CFAP54: variants seen among roughly 807,000 people sequenced by gnomAD.
CFAP54 encodes cilia and flagella associated protein 54, also known as cilia- and flagella-associated protein 54.
In CFAP54, 290 loss-of-function variants were observed where a neutral mutation model predicts 370.4. The ratio of observed to expected loss-of-function variants is 0.78; its 90% CI spans 0.71 to 0.86. The LOEUF (loss-of-function observed/expected upper bound fraction) is 0.86, where lower values mean the gene tolerates loss of function less well. CFAP54 is among the 40% of genes least tolerant of loss of function. CFAP54 has a pLI of 0.00. For synonymous variants in CFAP54, 1,206 were observed against 1,236.5 expected, an observed-to-expected ratio of 0.98 and a Z score of 0.52; for missense variants, 3,399 against 3,528.7, an observed-to-expected ratio of 0.96 and a Z score of 0.93.
At chr12:96,705,378 A>G (rs911400541) in intron 47 of CFAP54, among the ~76,000 whole-genome samples, 2 of 151,648 alleles carry the variant, frequency 1.3e-5, no homozygotes, top group African/African-American at 2.4e-5. Flanking sequence ...TGTGCATTTT[A>G]TTCCACAAAG....
chr12:96,495,475 C>T (rs976776508), intron 1 of CFAP54, among the ~76,000 whole-genome samples: 7 of 141,390 alleles, frequency 5.0e-5, no homozygotes, highest in East Asian at 2.3e-4. Context: ...TCACCACGCC[C>T]GGCTAATTTT....
At chr12:96,493,147 T>G (rs939238424) in intron 1 of CFAP54, among the ~76,000 whole-genome samples, 1 of 152,220 alleles carries the variant, frequency 6.6e-6, no homozygotes, top group African/African-American at 2.4e-5. Flanking sequence ...ACATGTGCCT[T>G]AACAGTCCAA....
intron 32 of CFAP54, among the ~76,000 whole-genome samples, chr12:96,641,942 G>T (rs112808499): frequency 7.4e-5 from 11 of 148,606 alleles, no homozygotes; most frequent in African/African-American, 2.0e-4. Flanking sequence ...GTGGTGCGGG[G>T]GGGGAGGGAT....
chr12:96,601,331 T>A (rs1015006859), intron 26 of CFAP54, among the ~76,000 whole-genome samples: 2 of 152,228 alleles, frequency 1.3e-5, no homozygotes, highest in Non-Finnish European at 2.9e-5. Context: ...GGATAAGCTT[T>A]TTGATGTGCT....
chr12:96,515,165 G>A (rs1191083458), intron 5 of CFAP54, among the ~76,000 whole-genome samples: 1 of 151,928 alleles, frequency 6.6e-6, no homozygotes, highest in African/African-American at 2.4e-5. Flanking sequence ...CCACCACCAT[G>A]CCAGGCTAAT....
At chr12:96,646,644 C>G (rs1004398974) in intron 33 of CFAP54, 5 of 152,170 alleles carry the variant, frequency 3.3e-5, no homozygotes, top group Non-Finnish European at 7.3e-5. Context: ...TATAAAGACA[C>G]ATGCACAAAT....
At chr12:96,852,786 T>C (rs747698361) in intron 66 of CFAP54, among the ~76,000 whole-genome samples, 4 of 152,100 alleles carry the variant, frequency 2.6e-5, no homozygotes, top group Non-Finnish European at 5.9e-5. Context: ...AATTCCTGTA[T>C]ATATGAATGA....
At chr12:96,826,633 TTAAA>T (rs1433872961) in intron 65 of CFAP54, among the ~76,000 whole-genome samples, 1 of 108,872 alleles carries the variant, frequency 9.2e-6, no homozygotes, top group Non-Finnish European at 1.7e-5. Flanking sequence ...ATGTTATATA[TTAAA>T]TATAGTATAT....
At chr12:96,853,252 A>G (rs1297221373) in intron 66 of CFAP54, among the ~76,000 whole-genome samples, 1 of 152,186 alleles carries the variant, frequency 6.6e-6, no homozygotes, top group Non-Finnish European at 1.5e-5. Context: ...ATAAGAATGA[A>G]CAAACTATTG....
At chr12:96,578,527 A>G (rs529282259) in intron 20 of CFAP54, among the ~76,000 whole-genome samples, 75 of 152,312 alleles carry the variant, frequency 4.9e-4, no homozygotes, top group Non-Finnish European at 1.0e-4. Flanking sequence ...CCAAAATCTT[A>G]TTCTGTATGT....
At chr12:96,676,122 G>A (rs1488052654) in intron 39 of CFAP54, among the ~76,000 whole-genome samples, 6 of 152,094 alleles carry the variant, frequency 3.9e-5, no homozygotes, top group Non-Finnish European at 1.5e-5. Context: ...CATGATGTGA[G>A]TCTTCATCTG....
chr12:96,725,927 A>G (rs2136617782), intron 50 of CFAP54, among the ~76,000 whole-genome samples: 1 of 150,048 alleles, frequency 6.7e-6, no homozygotes, highest in South Asian at 2.2e-4. Context: ...GCATCTATTG[A>G]GATAATCATG....
At chr12:96,734,625 T>TA (rs1957959309) in intron 50 of CFAP54, among the ~76,000 whole-genome samples, 2 of 152,290 alleles carry the variant, frequency 1.3e-5, no homozygotes, top group Admixed American at 1.3e-4. Context: ...ACACAGTTAA[T>TA]ATATGGGAAA....
At chr12:96,497,914 C>T (rs1954975545) in intron 1 of CFAP54, among the ~76,000 whole-genome samples, 1 of 152,172 alleles carries the variant, frequency 6.6e-6, no homozygotes, top group Non-Finnish European at 1.5e-5. Context: ...TCTGAGGTTG[C>T]CCAACTCTGT....
intron 66 of CFAP54, among the ~76,000 whole-genome samples, chr12:96,858,784 T>C (rs542832859): frequency 7.9e-4 from 121 of 152,270 alleles, no homozygotes; most frequent in Non-Finnish European, 1.4e-3. Context: ...CTCATTGAAA[T>C]GAAGAATCAA....
Position 96,812,077 on chromosome 12 carries a change from G to A in CFAP54, c.8957+235G>A, listed in dbSNP as rs140472671. Among the ~76,000 whole-genome samples, 7 of 152,318 alleles carry A rather than the reference G, an allele frequency of 4.6e-5. No individual in the cohort carries two copies. In the East Asian group the frequency reaches 1.3e-3, roughly 29 times the overall value. ...CTTATTACCTTCACAACCTTGGGCA[G>A]TTTATGTAACCTCTGTACTTCAGTT... is the stretch of plus-strand genomic sequence containing the variant. On this transcript the variant is annotated intron_variant, in intron 64 of 67. Coordinates refer to ENST00000524981, the MANE Select transcript of CFAP54 (RefSeq NM_001306084.2).
intron 65 of CFAP54, among the ~76,000 whole-genome samples, chr12:96,827,731 T>TAATATAATTATATATAATTATATTA (rs1565994340): frequency 1.7e-4 from 21 of 122,666 alleles, no homozygotes; most frequent in Non-Finnish European, 2.9e-4. Flanking sequence ...TAATTATATT[T>TAATATAATTATATATAATTATATTA]AATATAATTA....
rs574670085 is a variant in CFAP54, at chr12:96,601,965, A to G, written c.3639+3198A>G. ...TTGTGTCTCTATCTCCTTCAGTTCT[A>G]CTCTGATCTTAGTTATTTCTTGTCT... On this transcript the variant is annotated intron_variant, in intron 26 of 67. Transcript: ENST00000524981. Among the ~76,000 whole-genome samples the G allele has an allele frequency of 3.8e-4, 58 of 150,832 alleles. No individual in the cohort carries two copies. The East Asian group carries it at 0.011, about 30-fold the overall frequency.
At chr12:96,661,084 T>C (rs1956990077) in intron 38 of CFAP54, among the ~76,000 whole-genome samples, 2 of 151,914 alleles carry the variant, frequency 1.3e-5, no homozygotes, top group Non-Finnish European at 1.5e-5. Flanking sequence ...TTTTGTTTAA[T>C]GGAGGTTTCA....
Sources: allele counts gnomAD v4.1 joint callset (sites outside exome capture counted in the v4.1 genomes callset), GRCh38; gene constraint gnomAD v4.1.1; transcripts MANE v1.5; gene names NCBI Gene and HGNC (gene_info 2026-07-23, HGNC 2026-07-21).